COA1: variants seen among roughly 807,000 people sequenced by gnomAD.
COA1 encodes cytochrome c oxidase assembly factor 1.
Under a neutral mutation model 16.0 loss-of-function variants are expected in COA1, and 13 were observed. The observed-to-expected ratio is 0.81, with a 90% confidence interval of 0.53 to 1.29. The LOEUF is 1.29. Among genes scored for constraint, COA1 ranks in the 50% most tolerant of loss-of-function variants. COA1 has a pLI of 0.00. For synonymous variants in COA1, 65 were observed against 65.7 expected, an observed-to-expected ratio of 0.99 and a Z score of 0.05; for missense variants, 179 against 177.0, an observed-to-expected ratio of 1.01 and a Z score of -0.06.
At chr7:43,672,865 CA>C (rs1284045749) in intron 1 of COA1, among the ~76,000 whole-genome samples, 2 of 151,058 alleles carry the variant, frequency 1.3e-5, no homozygotes, top group African/African-American at 4.9e-5. Context: ...TAATGCCGCA[CA>C]CCTACAACCA....
chr7:43,612,303 A>G (rs1279849072), intron 6 of COA1, among the ~76,000 whole-genome samples: 1 of 152,090 alleles, frequency 6.6e-6, no homozygotes, highest in East Asian at 1.9e-4. Flanking sequence ...GAGGGAGAGG[A>G]TAGAGATGGG....
At chr7:43,623,568 C>G (rs762868608) in intron 6 of COA1, 2 of 1,607,794 alleles carry the variant, frequency 1.2e-6, no homozygotes, top group South Asian at 2.2e-5. Context: ...CTTTCTGATA[C>G]TAGCTCCTGA....
At chr7:43,637,396 C>T (rs1294447272), downstream of COA1, among the ~76,000 whole-genome samples, 4 of 152,170 alleles carry the variant, frequency 2.6e-5, no homozygotes, top group Non-Finnish European at 5.9e-5. Context: ...TACAAGTCTA[C>T]AGTTTGTATA....
chr7:43,657,375 CA>C (rs2091878209), intron 1 of COA1: 1 of 152,210 alleles, frequency 6.6e-6, no homozygotes, highest in African/African-American at 2.4e-5. Flanking sequence ...AGTGGCTAAC[CA>C]TTATCCCTAA....
At chr7:43,701,350 G>GT (rs1238226784) in intron 1 of COA1, among the ~76,000 whole-genome samples, 1 of 152,136 alleles carries the variant, frequency 6.6e-6, no homozygotes, top group Non-Finnish European at 1.5e-5. Context: ...TCACTTATAA[G>GT]TGAGAATGTG....
At chr7:43,616,568 G>A (rs2083363941) in intron 6 of COA1, among the ~76,000 whole-genome samples, 1 of 152,182 alleles carries the variant, frequency 6.6e-6, no homozygotes, top group African/African-American at 2.4e-5. Flanking sequence ...AGGGTAGGAA[G>A]GATGGTTGGA....
chr7:43,687,403 C>T (rs2094087617), intron 1 of COA1, among the ~76,000 whole-genome samples: 2 of 152,142 alleles, frequency 1.3e-5, no homozygotes, highest in South Asian at 2.1e-4. Context: ...TACAAATCCA[C>T]CATATTTGTC....
intron 1 of COA1, among the ~76,000 whole-genome samples, chr7:43,715,651 T>C (rs2131935696): frequency 6.6e-6 from 1 of 152,328 alleles, no homozygotes; most frequent in South Asian, 2.1e-4. Context: ...TATATCTTTT[T>C]CTCTTGTAAT....
intron 1 of COA1, among the ~76,000 whole-genome samples, chr7:43,668,517 G>A (rs1227613422): frequency 6.6e-6 from 1 of 152,198 alleles, no homozygotes; most frequent in Non-Finnish European, 1.5e-5. Context: ...ACTGGAGAGA[G>A]AAATTGTGCT....
At chr7:43,627,659 A>G (rs948759177) in intron 6 of COA1, among the ~76,000 whole-genome samples, 5 of 152,200 alleles carry the variant, frequency 3.3e-5, no homozygotes, top group Non-Finnish European at 7.4e-5. Flanking sequence ...CATCCATTCT[A>G]TCTGTTGCGG....
At chr7:43,619,865 C>T in intron 6 of COA1, 2 of 1,165,888 alleles carry the variant, frequency 1.7e-6, no homozygotes, top group South Asian at 3.2e-5. Context: ...CTTTGGATTA[C>T]ATTTTACAAT....
At chr7:43,704,750 C>T (rs1481981186) in intron 1 of COA1, among the ~76,000 whole-genome samples, 1 of 152,120 alleles carries the variant, frequency 6.6e-6, no homozygotes, top group Admixed American at 6.5e-5. Flanking sequence ...CAACCTTCTC[C>T]TCTATGTCGA....
At chr7:43,707,328 T>C (rs1022565162) in intron 1 of COA1, among the ~76,000 whole-genome samples, 2 of 152,252 alleles carry the variant, frequency 1.3e-5, no homozygotes, top group Admixed American at 6.5e-5. Context: ...GAAGATCTCA[T>C]ATTGAATATT....
rs1460595638 is a variant in COA1 at position 43,618,063 on chromosome 7, A to G, written c.*134-8568T>C. ...GAATGAGAGGACAGAAGTCAGATGG[A>G]GGGGCAGAATATGAATGGAAGGAAA... On this transcript the variant is annotated intron_variant and NMD_transcript_variant, in intron 6 of 6. Transcript: ENST00000415076. Among the ~76,000 whole-genome samples, 4 of 152,332 alleles carry G rather than the reference A, an allele frequency of 2.6e-5. No homozygotes were observed. In the East Asian group the frequency reaches 7.7e-4, roughly 29 times the overall value.
At position 43,621,667 on chromosome 7, in the gene COA1, T is replaced by C. The variant is rs148804436; in HGVS notation, c.*134-12172A>G. 5.7e-3 allele frequency among the ~76,000 whole-genome samples: 866 copies of C among 152,268 alleles called. 8 individuals carry two copies. The highest frequency in any genetic ancestry group is 0.02 in the African/African-American group (826 of 41,540). ...TTTGTTTTTTTGGTAAAGATGGGTC[T>C]CACTGTGTTGCCCAGGCTAGTGATT... is the stretch of plus-strand genomic sequence containing the variant. On this transcript the variant is annotated intron_variant and NMD_transcript_variant, in intron 6 of 6. Transcript: ENST00000415076.
intron 1 of COA1, among the ~76,000 whole-genome samples, chr7:43,700,339 G>A (rs181381323): frequency 1.3e-5 from 2 of 151,962 alleles, no homozygotes; most frequent in East Asian, 3.9e-4. Flanking sequence ...CTTTAAATCT[G>A]TATATACATA....
intron 1 of COA1, among the ~76,000 whole-genome samples, chr7:43,729,014 T>C (rs1365451285): frequency 5.3e-5 from 8 of 151,706 alleles, no homozygotes; most frequent in African/African-American, 1.9e-4. Context: ...ACAAAAAGTA[T>C]TATAACCACT....
chr7:43,610,662 G>A (rs755956868), intron 6 of COA1, among the ~76,000 whole-genome samples: 6 of 152,020 alleles, frequency 3.9e-5, no homozygotes, highest in Admixed American at 6.6e-5. Context: ...GCGAGACTTC[G>A]TCTCAAAAAA....
intron 1 of COA1, among the ~76,000 whole-genome samples, chr7:43,685,070 GC>G (rs2093957373): frequency 6.6e-6 from 1 of 150,546 alleles, no homozygotes; most frequent in South Asian, 2.1e-4. Flanking sequence ...GATCACTTGA[GC>G]CCAGGAGTTT....
Sources: allele counts gnomAD v4.1 joint callset (sites outside exome capture counted in the v4.1 genomes callset), GRCh38; gene constraint gnomAD v4.1.1; transcripts MANE v1.5; gene names NCBI Gene and HGNC (gene_info 2026-07-23, HGNC 2026-07-21).